Variants in FRMD4A observed in about 807,000 individuals in gnomAD.
FRMD4A encodes FERM domain containing 4A, also known as FERM domain-containing protein 4A.
Under a neutral mutation model 129.1 loss-of-function variants are expected in FRMD4A, and 29 were observed. That is an observed-to-expected ratio of 0.22 (90% CI 0.17 to 0.31). The LOEUF (loss-of-function observed/expected upper bound fraction) is 0.31. Ranked by LOEUF, FRMD4A falls within the 10% of genes least tolerant of loss-of-function variation. FRMD4A has a pLI of 1.00. For synonymous variants in FRMD4A, 634 were observed against 571.6 expected (o/e 1.11, Z -1.56); for missense variants, 1,272 against 1,375.8 (o/e 0.92, Z 1.19).
intron 9 of FRMD4A, among the ~76,000 whole-genome samples, chr10:13,743,804 G>A (rs137938864): frequency 6.6e-6 from 1 of 152,190 alleles, no homozygotes; most frequent in East Asian, 1.9e-4. Context: ...AATCCTGACC[G>A]AGAACCTATT....
At chr10:14,054,009 C>A (rs572317787) in intron 2 of FRMD4A, among the ~76,000 whole-genome samples, 1 of 151,916 alleles carries the variant, frequency 6.6e-6, no homozygotes, top group Admixed American at 6.6e-5. Context: ...CCTGTCCCTA[C>A]AAAATTTTTT....
chr10:13,679,471 A>ATG (rs2084314861), intron 15 of FRMD4A, among the ~76,000 whole-genome samples: 1 of 95,662 alleles, frequency 1.0e-5, no homozygotes, highest in Non-Finnish European at 2.0e-5. Context: ...ATATATATAT[A>ATG]TATACACACA....
At chr10:14,152,662 C>G (rs960468229) in intron 2 of FRMD4A, among the ~76,000 whole-genome samples, 58 of 151,992 alleles carry the variant, frequency 3.8e-4, no homozygotes, top group African/African-American at 1.3e-3. Context: ...CATAGCGAGA[C>G]CCTGTCTCTA....
chr10:13,801,415 T>C (rs1482703446), intron 4 of FRMD4A, among the ~76,000 whole-genome samples: 1 of 152,224 alleles, frequency 6.6e-6, no homozygotes, highest in African/African-American at 2.4e-5. Context: ...TCCAATCCCA[T>C]GAGGGGATCA....
At chr10:14,247,550 T>G (rs932354641) in intron 2 of FRMD4A, among the ~76,000 whole-genome samples, 1 of 152,214 alleles carries the variant, frequency 6.6e-6, no homozygotes, top group Admixed American at 6.5e-5. Flanking sequence ...TTTCTGTCTC[T>G]CTCTTCACTC....
At chr10:13,841,875 C>A (rs2093971732) in intron 3 of FRMD4A, among the ~76,000 whole-genome samples, 1 of 152,144 alleles carries the variant, frequency 6.6e-6, no homozygotes, top group East Asian at 1.9e-4. Context: ...AGTATGGGGA[C>A]CCCCAACCTT....
intron 2 of FRMD4A, among the ~76,000 whole-genome samples, chr10:13,896,862 C>T (rs1266722349): frequency 6.6e-6 from 1 of 152,186 alleles, no homozygotes; most frequent in Non-Finnish European, 1.5e-5. Context: ...ATGGTCTGTT[C>T]CCCGAAGAGC....
chr10:13,703,469 C>T (rs1214127368), intron 13 of FRMD4A, among the ~76,000 whole-genome samples: 1 of 152,152 alleles, frequency 6.6e-6, no homozygotes, highest in Non-Finnish European at 1.5e-5. Flanking sequence ...CACCTGAGCC[C>T]ATCGGCCCAG....
At chr10:14,280,796 T>C (rs1245572600) in intron 2 of FRMD4A, among the ~76,000 whole-genome samples, 2 of 152,122 alleles carry the variant, frequency 1.3e-5, no homozygotes, top group Non-Finnish European at 2.9e-5. Context: ...CTCCCTCTGA[T>C]AACCAAGTCC....
chr10:13,711,825 G>A (rs955922306), intron 12 of FRMD4A: 1 of 152,166 alleles, frequency 6.6e-6, no homozygotes, highest in African/African-American at 2.4e-5. Context: ...AAGGAAAACT[G>A]CCTAAGGCCA....
chr10:13,789,932 C>G (rs1467776000), intron 5 of FRMD4A, among the ~76,000 whole-genome samples: 1 of 151,938 alleles, frequency 6.6e-6, no homozygotes, highest in Non-Finnish European at 1.5e-5. Flanking sequence ...GAGCAAGGAT[C>G]AGATGAGAAT....
intron 2 of FRMD4A, chr10:14,083,914 T>C (rs1022611866): frequency 6.6e-6 from 1 of 152,200 alleles, no homozygotes; most frequent in Admixed American, 6.5e-5. Flanking sequence ...ATAATCATAT[T>C]TCTAAAGAAA....
chr10:14,246,418 T>C (rs145726528), intron 2 of FRMD4A, among the ~76,000 whole-genome samples: 3 of 151,836 alleles, frequency 2.0e-5, no homozygotes, highest in Non-Finnish European at 4.4e-5. Flanking sequence ...AGTGCACGCA[T>C]ACACACTTTC....
chr10:13,734,034 A>C (rs1352866600), intron 12 of FRMD4A, among the ~76,000 whole-genome samples: 1 of 152,146 alleles, frequency 6.6e-6, no homozygotes, highest in Non-Finnish European at 1.5e-5. Flanking sequence ...GCCGCGTTGC[A>C]TGTCCTAAGC....
chr10:14,135,071 T>C (rs901273741), intron 2 of FRMD4A, among the ~76,000 whole-genome samples: 2 of 152,196 alleles, frequency 1.3e-5, no homozygotes, highest in Non-Finnish European at 2.9e-5. Flanking sequence ...CATGAAGAAA[T>C]ATTTTAAAAG....
intron 2 of FRMD4A, among the ~76,000 whole-genome samples, chr10:14,155,922 T>C (rs1429108351): frequency 6.6e-6 from 1 of 152,200 alleles, no homozygotes; most frequent in Non-Finnish European, 1.5e-5. Context: ...AGTGAAGATA[T>C]AGGTGCCATT....
chr10:14,012,595 C>T (rs930858871), intron 2 of FRMD4A, among the ~76,000 whole-genome samples: 2 of 152,176 alleles, frequency 1.3e-5, no homozygotes, highest in African/African-American at 2.4e-5. Context: ...TCTGCCGAGC[C>T]AACGTGTATG....
chr10:14,262,431 A>C (rs2132035298), intron 2 of FRMD4A, among the ~76,000 whole-genome samples: 1 of 152,324 alleles, frequency 6.6e-6, no homozygotes, highest in South Asian at 2.1e-4. Flanking sequence ...TATTATATAG[A>C]AATATTAGTA....
At chr10:14,220,852 C>G (rs1344287164) in intron 2 of FRMD4A, among the ~76,000 whole-genome samples, 2 of 151,066 alleles carry the variant, frequency 1.3e-5, no homozygotes, top group Non-Finnish European at 2.9e-5. Context: ...ACTGGGGGCT[C>G]CCAGAGCTCA....
Sources: allele counts gnomAD v4.1 joint callset (sites outside exome capture counted in the v4.1 genomes callset), GRCh38; gene constraint gnomAD v4.1.1; transcripts MANE v1.5; gene names NCBI Gene and HGNC (gene_info 2026-07-23, HGNC 2026-07-21).